Variants in ALG3 observed in about 807,000 individuals in gnomAD.
ALG3 encodes ALG3 alpha-1,3- mannosyltransferase.
ALG3 carries 39 observed loss-of-function variants against 50.5 expected under a neutral mutation model. That is an observed-to-expected ratio of 0.77 (90% confidence interval 0.60 to 1.01). The LOEUF (loss-of-function observed/expected upper bound fraction) is 1.01, where lower values mean the gene tolerates loss of function less well. ALG3 is among the 50% of genes least tolerant of loss of function. The probability of loss-of-function intolerance (pLI) is 0.00; values close to 1 mark genes in which losing one functional copy is unlikely to be tolerated. For synonymous variants in ALG3, 252 were observed against 237.2 expected (o/e 1.06, Z -0.58); for missense variants, 520 against 554.8 (o/e 0.94, Z 0.63).
intron 1 of ALG3, among the ~76,000 whole-genome samples, chr3:184,246,762 C>T (rs565196664): frequency 5.9e-5 from 9 of 152,044 alleles, no homozygotes; most frequent in East Asian, 1.9e-4. Context: ...CTGCAACCTC[C>T]GCCTCCCGGG....
In ALG3 at chr3:184,243,864, G is replaced by C. The variant is rs760860650; in HGVS notation, c.859C>G (p.Arg287Gly). Residue 287 changes from arginine to glycine, a missense_variant, in exon 6 of 9, where the codon CGA (arginine) becomes GGA (glycine). By Grantham distance (125) the Arg-to-Gly change is moderately radical (BLOSUM62 -2). Around this residue, in one of 3 missense-constraint regions of ALG3, gnomAD observed 224 missense variants for 272.8 expected, o/e 0.82. Coordinates refer to ENST00000397676, the MANE Select transcript of ALG3 (RefSeq NM_005787.6). The part of the protein sequence containing the change: ...RFLPEALFLH[R>G]AFHLALLTAH... ...GTCAACAGGGCCAGGTGGAAGGCTC[G>C]ATGCAGGAAGAGCGCCTCTGGGAGG... 1.2e-6 allele frequency: 2 copies of C among 1,614,016 alleles called. No individual in the cohort carries two copies. Among genetic ancestry groups the C allele is most frequent in the Non-Finnish European group, 1.7e-6 (2 of 1,179,900 alleles).
At position 184,244,614 on chromosome 3, in the gene ALG3, C is replaced by G. The variant is rs921607290; in HGVS notation, c.713G>C (p.Cys238Ser). ...FRGALPKLGI[C>S]AGLQVVLGLP... ...AGATGGGGGTACCTGAAGGCCAGCA[C>G]AGATTCCCAGCTTGGGGAGGGCCCC... The change falls in exon 5 of 9, where the codon TGT becomes TCT. Residue 238 changes from cysteine to serine, a missense_variant. Around this residue, in one of 3 missense-constraint regions of ALG3, gnomAD observed 224 missense variants for 272.8 expected, o/e 0.82. Transcript: ENST00000397676. 3.7e-6 allele frequency: 6 copies of G among 1,610,020 alleles called. No individual in the cohort carries two copies. Among genetic ancestry groups the G allele is most frequent in the East Asian group, 2.2e-5 (1 of 44,774 alleles).
At chr3:184,243,664 C>G (rs372466372) in intron 6 of ALG3, 34 bp from the exon 7 acceptor site, 7 of 1,612,240 alleles carry the variant, frequency 4.3e-6, no homozygotes, top group Non-Finnish European at 5.9e-6. Context: ...TTATCAAGCC[C>G]CTTTTGTGAG....
In ALG3 at chr3:184,245,780, C is replaced by G; in HGVS notation, c.229G>C (p.Glu77Gln). Reference protein sequence around the residue: ...TEIDWKAYMAEVEGVINGTYD... With the variant: ...TEIDWKAYMAQVEGVINGTYD... The stretch of plus-strand genomic sequence containing the variant: ...GTACCATTGATGACGCCTTCTACCT[C>G]GGCCATGTAGGCCTTCCAGTCAATC... The change falls in exon 2 of 9, where the codon GAG becomes CAG. Residue 77 changes from glutamate (E) to glutamine (Q), a missense_variant. By Grantham distance (29) the Glu-to-Gln change is conservative (BLOSUM62 2). Transcript: ENST00000397676. 1 of 1,613,852 alleles carries G rather than the reference C, an allele frequency of 6.2e-7. No homozygotes were observed. The highest frequency in any genetic ancestry group is 8.5e-7 in the Non-Finnish European group (1 of 1,179,828).
Position 184,242,472 on chromosome 3 carries a change from G to A in ALG3, c.*42C>T, listed in dbSNP as rs1319266811. The A allele has an allele frequency of 6.3e-7, 1 of 1,599,520 alleles. No individual in the cohort carries two copies. The highest frequency in any genetic ancestry group is 8.5e-7 in the Non-Finnish European group (1 of 1,173,308). On this transcript the variant is annotated 3_prime_UTR_variant, in exon 9 of 9. Transcript: ENST00000397676. ...AAGGGCAGAGTCCAACCAACCCCAGGTCCTGAGGGTAGACTCAGGTCCTGA... is the reference window on the plus strand; with the variant it reads ...AAGGGCAGAGTCCAACCAACCCCAGATCCTGAGGGTAGACTCAGGTCCTGA...
intron 1 of ALG3, 34 bp from the exon 2 acceptor site, chr3:184,245,846 AGTCTAGAACTT>A: frequency 6.4e-7 from 1 of 1,560,878 alleles, no homozygotes; most frequent in South Asian, 1.1e-5. Flanking sequence ...GTTACTTCTG[AGTCTAGAACTT>A]GTCTGCCACC....
chr3:184,244,071 G>C, intron 5 of ALG3, 75 bp from the exon 6 acceptor site: 1 of 1,456,028 alleles, frequency 6.9e-7, no homozygotes, highest in Non-Finnish European at 9.5e-7. Context: ...ACTCATTGAG[G>C]GGTGTGGGAC....
intron 4 of ALG3, 90 bp downstream of exon 4, chr3:184,245,108 G>T: frequency 6.6e-7 from 1 of 1,522,868 alleles, no homozygotes. Flanking sequence ...ATGCTGTCTT[G>T]GCTACTCCTT....
rs769013510 is a variant in ALG3 at position 184,248,786 on chromosome 3, G to C, written c.155C>G (p.Ala52Gly). 3 of 1,349,698 alleles carry C rather than the reference G, an allele frequency of 2.2e-6. No homozygotes were observed. The highest frequency in any genetic ancestry group is 9.4e-5 in the East Asian group (2 of 21,212). 83.6% of individuals were successfully genotyped at this position (1,349,698 alleles called of 1,614,324 possible). A position where few individuals can be genotyped will look rare whatever the true frequency, so the allele number is the denominator to read the frequency against. Residue 52 changes from alanine to glycine, a missense_variant, in exon 1 of 9, where the codon GCG becomes GGG. Physicochemically the swap from Ala to Gly is moderately conservative, Grantham distance 60 (BLOSUM62 0). Transcript: ENST00000397676. ...GACCCAGAAGGTGATGCCCACCTCC[G>C]CCAGGCAGAGGCAGGCGGCCACCAG... ...TLLVAACLCL[A>G]EVGITFWVIH...
chr3:184,245,097 C>T, intron 4 of ALG3, 101 bp downstream of exon 4: 1 of 1,460,184 alleles, frequency 6.8e-7, no homozygotes, highest in Non-Finnish European at 9.4e-7. Flanking sequence ...CTGAGTGACC[C>T]ATGCTGTCTT....
Position 184,242,793 on chromosome 3 carries a change from C to T in ALG3, c.1154+20G>A, listed in dbSNP as rs1363107325. 3 of 1,613,138 alleles carry T rather than the reference C, an allele frequency of 1.9e-6. No individual in the cohort carries two copies. Among genetic ancestry groups the T allele is most frequent in the Admixed American group, 1.7e-5 (1 of 60,014 alleles). On this transcript the variant is annotated intron_variant, in intron 8 of 8. Transcript: ENST00000397676. ...AACTCCCTATCCCTTCCCACTCCCC[C>T]AGGTTGTCCCAGCTGGTACCTGAGC... is the stretch of plus-strand genomic sequence containing the variant.
intron 1 of ALG3, among the ~76,000 whole-genome samples, chr3:184,248,016 CTT>C (rs575235372): frequency 1.2e-4 from 15 of 125,344 alleles, no homozygotes; most frequent in African/African-American, 2.0e-4. Context: ...CGGCTAAATT[CTT>C]TTTTTTTTTT....
At position 184,242,425 on chromosome 3, in the gene ALG3, G is replaced by A. The variant is rs1228772176; in HGVS notation, c.*89C>T. ...ACCTCCATGTAGGTTGCACAGAGTT[G>A]GACTTAGCAAGGTTTATTTGGAAGG... On this transcript the variant is annotated 3_prime_UTR_variant, in exon 9 of 9. Transcript: ENST00000397676. 6.7e-7 allele frequency: 1 copy of A among 1,495,942 alleles called. No homozygotes were observed. The highest frequency in any genetic ancestry group is 9.1e-7 in the Non-Finnish European group (1 of 1,095,916). 92.7% of individuals were successfully genotyped at this position (1,495,942 alleles called of 1,614,324 possible).
intron 5 of ALG3, 181 bp downstream of exon 5, chr3:184,244,420 T>G: frequency 1.3e-6 from 1 of 753,912 alleles, no homozygotes. Context: ...TCAGAGACCA[T>G]CAAATTTAAT....
chr3:184,242,798 TG>T lies in ALG3; in HGVS notation c.1154+14del, dbSNP rs767547338. 2 of 1,613,144 alleles carry T rather than the reference TG, an allele frequency of 1.2e-6. No homozygotes were observed. The highest frequency in any genetic ancestry group is 2.7e-5 in the African/African-American group (2 of 74,932). On this transcript the variant is annotated intron_variant, in intron 8 of 8. Transcript: ENST00000397676. ...CCTATCCCTTCCCACTCCCCCAGGT[TG>T]TCCCAGCTGGTACCTGAGCAGGTGT...
Position 184,244,026 on chromosome 3 carries a change from G to A in ALG3, c.727-30C>T, listed in dbSNP as rs1193804725. 9 of 1,598,120 alleles carry A rather than the reference G, an allele frequency of 5.6e-6. No homozygotes were observed. The South Asian group carries it at 1.0e-4, about 18-fold the overall frequency. On this transcript the variant is annotated intron_variant, in intron 5 of 8. Coordinates refer to ENST00000397676, the MANE Select transcript of ALG3 (RefSeq NM_005787.6). ...GGATTGGTGTGATGTCAGCAGAGCT[G>A]CCAAGGCTCATTCCCAATGACCAGC... is the stretch of plus-strand genomic sequence containing the variant.
chr3:184,244,390 TA>T, intron 5 of ALG3: 5 of 636,436 alleles, frequency 7.9e-6, no homozygotes, highest in African/African-American at 1.8e-5. Flanking sequence ...AACTTAAAAT[TA>T]AAAAAAGCAA....
upstream of ALG3, chr3:184,249,044 G>C (rs1025225040): frequency 6.6e-7 from 1 of 1,511,102 alleles, no homozygotes; most frequent in South Asian, 1.2e-5. Flanking sequence ...GCTAAGCGCC[G>C]ATCCGAGTAG....
Position 184,245,723 on chromosome 3 carries a change from C to T in ALG3, c.286G>A (p.Gly96Arg), listed in dbSNP as rs367679074. The T allele has an allele frequency of 1.7e-5, 28 of 1,612,990 alleles. No homozygotes were observed. Among genetic ancestry groups the T allele is most frequent in the Non-Finnish European group, 2.3e-5 (27 of 1,179,188 alleles). Residue 96 changes from glycine to arginine, a missense_variant, in exon 2 of 9, where the codon GGA becomes AGA. Physicochemically the swap from Gly to Arg is moderately radical, Grantham distance 125. Transcript: ENST00000397676. ...YDYTQLQGDT[G>R]PLVYPAGFVY... ...CCTGTCCCCACTCACACAAGTGGTC[C>T]GGTGTCACCCTGCAGTTGGGTATAG...
Sources: allele counts gnomAD v4.1 joint callset (sites outside exome capture counted in the v4.1 genomes callset), GRCh38; gene constraint gnomAD v4.1.1; regional missense constraint gnomAD v4.1.1; transcripts MANE v1.5; gene names NCBI Gene and HGNC (gene_info 2026-07-23, HGNC 2026-07-21).